Variants in WRN observed in about 807,000 individuals in gnomAD.
The protein encoded by WRN is bifunctional 3'-5' exonuclease/ATP-dependent helicase WRN.
Under a neutral mutation model 180.7 loss-of-function variants are expected in WRN, and 149 were observed. That is an observed-to-expected ratio of 0.82 (90% CI 0.72 to 0.94). WRN has a LOEUF of 0.94. Among genes scored for constraint, WRN ranks in the 40% least tolerant of loss-of-function variants. The pLI, the probability that WRN is intolerant of heterozygous loss-of-function variation, is 0.00. For missense variants in WRN, 1,661 were observed against 1,700.1 expected, an observed-to-expected ratio of 0.98 and a Z score of 0.40; for synonymous variants, 548 against 568.9, an observed-to-expected ratio of 0.96 and a Z score of 0.52.
chr8:31,147,860 T>A (rs1054507698), intron 30 of WRN, among the ~76,000 whole-genome samples: 1 of 151,604 alleles, frequency 6.6e-6, no homozygotes, highest in African/African-American at 2.4e-5. Context: ...ATAAAACCCC[T>A]TCGTCTTCCT....
At chr8:31,066,669 A>G (rs923583554) in intron 5 of WRN, among the ~76,000 whole-genome samples, 4 of 152,036 alleles carry the variant, frequency 2.6e-5, no homozygotes, top group African/African-American at 9.7e-5. Context: ...AAGTTTGGCT[A>G]TCAATTCCAT....
Position 31,120,415 on chromosome 8 carries a change from A to G in WRN, c.2621A>G (p.Asn874Ser). 1 of 1,612,058 alleles carries G rather than the reference A, an allele frequency of 6.2e-7. No individual in the cohort carries two copies. ...GTCCTCTGGGCTCCTGCAGACATTAACTTAAATAGGTAAAAAAAATTTATT... is the reference window on the plus strand; with the variant it reads ...GTCCTCTGGGCTCCTGCAGACATTAGCTTAAATAGGTAAAAAAAATTTATT... ...CHVLWAPADINLNRHLLTEIR... is the reference protein window; with the variant it reads ...CHVLWAPADISLNRHLLTEIR... Residue 874 changes from asparagine to serine, a missense_variant, in exon 21 of 35, where the codon AAC becomes AGC. Around this residue, in one of 3 missense-constraint regions of WRN, gnomAD observed 1,141 missense variants for 1,149.4 expected, o/e 0.99. Transcript: ENST00000298139.
intron 18 of WRN, among the ~76,000 whole-genome samples, chr8:31,101,625 A>G (rs933946389): frequency 2.0e-5 from 3 of 151,856 alleles, no homozygotes; most frequent in Non-Finnish European, 4.4e-5. Context: ...TGTCTCTACT[A>G]AAAATACAAC....
At chr8:31,079,789 A>G (rs758977180) in intron 8 of WRN, among the ~76,000 whole-genome samples, 1 of 152,220 alleles carries the variant, frequency 6.6e-6, no homozygotes, top group Non-Finnish European at 1.5e-5. Flanking sequence ...TTCAAATTAG[A>G]TCACAAACAA....
At chr8:31,107,707 C>G (rs1007784145) in intron 18 of WRN, among the ~76,000 whole-genome samples, 5 of 152,180 alleles carry the variant, frequency 3.3e-5, no homozygotes, top group African/African-American at 1.2e-4. Flanking sequence ...TATATTATTT[C>G]AGTAATTTCA....
At chr8:31,135,697 A>G (rs1243104685) in intron 24 of WRN, among the ~76,000 whole-genome samples, 2 of 152,186 alleles carry the variant, frequency 1.3e-5, no homozygotes, top group African/African-American at 4.8e-5. Flanking sequence ...ATTCACTCAG[A>G]GAAGGAATGA....
At chr8:31,094,142 A>G (rs553315030) in intron 16 of WRN, among the ~76,000 whole-genome samples, 55 of 152,318 alleles carry the variant, frequency 3.6e-4, no homozygotes, top group South Asian at 1.2e-3. Context: ...CATGTGATGC[A>G]TATATGTTTA....
intron 32 of WRN, among the ~76,000 whole-genome samples, chr8:31,156,584 C>G (rs1803393929): frequency 6.6e-6 from 1 of 152,176 alleles, no homozygotes. Flanking sequence ...ATGCTCTATT[C>G]TGTGAAAGTA....
chr8:31,141,196 A>C (rs1351190089), intron 24 of WRN, among the ~76,000 whole-genome samples: 2 of 152,172 alleles, frequency 1.3e-5, no homozygotes, highest in African/African-American at 2.4e-5. Flanking sequence ...AATGCATCTG[A>C]ATTATATGTG....
chr8:31,080,788 C>A, intron 8 of WRN, 79 bp from the exon 9 acceptor site: 2 of 1,225,406 alleles, frequency 1.6e-6, no homozygotes, highest in Non-Finnish European at 2.3e-6. Context: ...AAAGCTTTTA[C>A]TTGTTAAAAA....
chr8:31,052,927 A>G (rs1812132301), intron 1 of WRN, among the ~76,000 whole-genome samples: 1 of 152,182 alleles, frequency 6.6e-6, no homozygotes, highest in African/African-American at 2.4e-5. Flanking sequence ...TGTTTGGAAC[A>G]CTGTGTTTGG....
At chr8:31,136,959 A>G (rs1000772039) in intron 24 of WRN, among the ~76,000 whole-genome samples, 5 of 152,204 alleles carry the variant, frequency 3.3e-5, no homozygotes, top group Admixed American at 3.3e-4. Flanking sequence ...TACAAAATTA[A>G]CTAAACACTT....
intron 3 of WRN, among the ~76,000 whole-genome samples, chr8:31,060,166 C>A: frequency 6.6e-6 from 1 of 152,088 alleles, no homozygotes; most frequent in East Asian, 1.9e-4. Flanking sequence ...ATAGTGCAAT[C>A]TAAGGCTCTC....
chr8:31,076,990 A>G (rs1208623784), intron 8 of WRN, among the ~76,000 whole-genome samples: 1 of 152,186 alleles, frequency 6.6e-6, no homozygotes, highest in Non-Finnish European at 1.5e-5. Flanking sequence ...GGAACAATGA[A>G]CAATTAGAAT....
chr8:31,132,203 CTACTT>C (rs1196910431), intron 23 of WRN, among the ~76,000 whole-genome samples, 157 bp from the exon 24 acceptor site: 1 of 152,116 alleles, frequency 6.6e-6, no homozygotes, highest in East Asian at 1.9e-4. Flanking sequence ...CATATTTTAG[CTACTT>C]TACATACTCG....
At position 31,066,497 on chromosome 8, in the gene WRN, C is replaced by A. The variant is rs567986143; in HGVS notation, c.505-536C>A. Among the ~76,000 whole-genome samples the A allele has an allele frequency of 7.9e-5, 12 of 152,188 alleles. No homozygotes were observed. The South Asian group carries it at 2.5e-3, about 32-fold the overall frequency. On this transcript the variant is annotated intron_variant, in intron 5 of 34. Transcript: ENST00000298139. ...TTTAAGCAAGCCTTCTCTTTTCCTT[C>A]CTCCCAGTTCTTGGTACTCTTTCAC...
At position 31,108,757 on chromosome 8, in the gene WRN, C is replaced by T. The variant is rs2113950; in HGVS notation, c.2089-2858C>T. On this transcript the variant is annotated intron_variant, in intron 18 of 34. Transcript: ENST00000298139. ...CTTTGGTTGTGGGGCCGGAGGGTAA[C>T]TGTTCATGAAAATAGTGAGTGTCTG... 0.33 allele frequency among the ~76,000 whole-genome samples: 49,955 copies of T among 151,640 alleles called. 8,592 individuals carry two copies. Among genetic ancestry groups the T allele is most frequent in the South Asian group, 0.42 (1,997 of 4,790 alleles).
intron 33 of WRN, among the ~76,000 whole-genome samples, chr8:31,159,239 A>G (rs1431120492): frequency 1.3e-5 from 2 of 151,904 alleles, no homozygotes; most frequent in African/African-American, 4.8e-5. Flanking sequence ...GTTTGGGGTT[A>G]TAATAAGCTG....
At chr8:31,094,273 A>C (rs539881825) in intron 16 of WRN, among the ~76,000 whole-genome samples, 1 of 152,238 alleles carries the variant, frequency 6.6e-6, no homozygotes, top group East Asian at 1.9e-4. Context: ...TTAATTCCAG[A>C]ACATTTTCCT....
Sources: allele counts gnomAD v4.1 joint callset (sites outside exome capture counted in the v4.1 genomes callset), GRCh38; gene constraint gnomAD v4.1.1; regional missense constraint gnomAD v4.1.1; transcripts MANE v1.5; gene names NCBI Gene and HGNC (gene_info 2026-07-23, HGNC 2026-07-21).